Variants in TUT4 observed in about 807,000 individuals in gnomAD.
The protein encoded by TUT4 is terminal uridylyltransferase 4.
In TUT4, 36 loss-of-function variants were observed where a neutral mutation model predicts 192.2. That is an observed-to-expected ratio of 0.19 (90% CI 0.14 to 0.25). The LOEUF (loss-of-function observed/expected upper bound fraction) is 0.25. TUT4 is among the 10% of genes least tolerant of loss of function. The probability of loss-of-function intolerance (pLI) is 1.00; values close to 1 mark genes in which losing one functional copy is unlikely to be tolerated. For missense variants in TUT4, 1,493 were observed against 1,957.2 expected, an observed-to-expected ratio of 0.76 and a Z score of 4.47; for synonymous variants, 618 against 666.0, an observed-to-expected ratio of 0.93 and a Z score of 1.11.
intron 4 of TUT4, among the ~76,000 whole-genome samples, chr1:52,498,933 TA>T (rs1673302329): frequency 1.0e-5 from 1 of 98,798 alleles, no homozygotes; most frequent in Non-Finnish European, 1.9e-5. Context: ...TATATATATA[TA>T]TATATATATA....
At chr1:52,481,382 T>G in intron 11 of TUT4, 41 bp downstream of exon 11, 1 of 1,590,324 alleles carries the variant, frequency 6.3e-7, no homozygotes. Flanking sequence ...TCACAAATTC[T>G]ACAGATAGAA....
intron 1 of TUT4, among the ~76,000 whole-genome samples, chr1:52,550,555 T>C (rs1282321608): frequency 6.8e-6 from 1 of 146,382 alleles, no homozygotes; most frequent in Non-Finnish European, 1.5e-5. Flanking sequence ...CAGGCTGGAG[T>C]ACAGTGGCGC....
At chr1:52,505,381 G>C (rs1675246267) in intron 4 of TUT4, among the ~76,000 whole-genome samples, 1 of 138,736 alleles carries the variant, frequency 7.2e-6, no homozygotes, top group Non-Finnish European at 1.5e-5. Context: ...TCTTTATCAT[G>C]TTATAGAAGT....
chr1:52,489,492 C>T (rs1670618359), intron 8 of TUT4, among the ~76,000 whole-genome samples: 3 of 152,254 alleles, frequency 2.0e-5, no homozygotes, highest in Non-Finnish European at 4.4e-5. Context: ...TCTAATTTTT[C>T]CTATCCAAGC....
At chr1:52,459,350 A>C (rs898415243) in intron 19 of TUT4, among the ~76,000 whole-genome samples, 1 of 152,020 alleles carries the variant, frequency 6.6e-6, no homozygotes, top group Non-Finnish European at 1.5e-5. Context: ...GCACTTCGAA[A>C]GGCTGAGGAG....
At chr1:52,449,667 C>T (rs1658772589) in intron 20 of TUT4, among the ~76,000 whole-genome samples, 1 of 152,150 alleles carries the variant, frequency 6.6e-6, no homozygotes, top group Non-Finnish European at 1.5e-5. Context: ...AGCATACAGT[C>T]CTGCGGCCTA....
chr1:52,471,450 T>C (rs190763016), intron 14 of TUT4, among the ~76,000 whole-genome samples: 146 of 152,354 alleles, frequency 9.6e-4, no homozygotes, highest in African/African-American at 3.4e-3. Flanking sequence ...TGTTTACCAC[T>C]ACTATAGCAT....
rs772258876 is a variant in TUT4, at chr1:52,465,050, C to T, written c.3069+20G>A. The T allele has an allele frequency of 6.4e-6, 10 of 1,558,672 alleles. No homozygotes were observed. Among genetic ancestry groups the T allele is most frequent in the Admixed American group, 4.0e-5 (2 of 50,566 alleles). ...ATTGGGAGAAAATAAACTTACATAA[C>T]GCTTTCCAAACACTCTTACCTCTGC... On this transcript the variant is annotated intron_variant, in intron 16 of 29. Transcript: ENST00000257177.
intron 29 of TUT4, chr1:52,424,219 A>C (rs17107217): frequency 0.098 from 51,114 of 522,604 alleles, 6,812 homozygotes; most frequent in African/African-American, 0.47. Flanking sequence ...GATGGAGAGG[A>C]GGAATCAAAG....
chr1:52,522,987 C>CTTTTTTT (rs748149518), intron 2 of TUT4, among the ~76,000 whole-genome samples: 12 of 89,582 alleles, frequency 1.3e-4, no homozygotes, highest in East Asian at 3.9e-4. Context: ...CCTTAACTAT[C>CTTTTTTT]TTTTTTTTTT....
chr1:52,482,553 C>T (rs949844323), intron 9 of TUT4, among the ~76,000 whole-genome samples: 2 of 152,144 alleles, frequency 1.3e-5, no homozygotes, highest in Non-Finnish European at 2.9e-5. Context: ...GATCCTTCCA[C>T]ATAGCTGGGA....
At chr1:52,425,310 C>G (rs781074028) in intron 29 of TUT4, 39 bp downstream of exon 29, 1 of 1,588,096 alleles carries the variant, frequency 6.3e-7, no homozygotes, top group Admixed American at 1.8e-5. Context: ...CAGAATAAAA[C>G]CCACCCAAGC....
chr1:52,486,693 G>A (rs1669873332), intron 9 of TUT4, among the ~76,000 whole-genome samples: 1 of 152,090 alleles, frequency 6.6e-6, no homozygotes. Flanking sequence ...ATGTTATTCT[G>A]TTGGAAACAG....
chr1:52,445,924 T>TA (rs957139079), intron 23 of TUT4, 33 bp downstream of exon 23: 2 of 1,603,088 alleles, frequency 1.2e-6, no homozygotes, highest in African/African-American at 2.7e-5. Flanking sequence ...GTCAGAGTTT[T>TA]AAAATCAGAG....
intron 28 of TUT4, among the ~76,000 whole-genome samples, chr1:52,425,850 T>G (rs1649715311): frequency 6.7e-6 from 1 of 148,862 alleles, no homozygotes. Context: ...CAAGGAAAAA[T>G]TTAGGCAAAA....
intron 9 of TUT4, 82 bp downstream of exon 9, chr1:52,488,827 T>A: frequency 1.4e-6 from 2 of 1,401,790 alleles, no homozygotes; most frequent in South Asian, 3.2e-5. Context: ...TACATGTCAG[T>A]ACAAGAAAAG....
chr1:52,458,091 T>C (rs1661481646), intron 20 of TUT4, among the ~76,000 whole-genome samples: 1 of 152,192 alleles, frequency 6.6e-6, no homozygotes, highest in African/African-American at 2.4e-5. Context: ...GACTGTAAAA[T>C]TTAAAAACAT....
At chr1:52,460,975 C>T (rs1662393416) in intron 19 of TUT4, 159 bp downstream of exon 19, 2 of 470,260 alleles carry the variant, frequency 4.3e-6, no homozygotes, top group Non-Finnish European at 7.3e-6. Context: ...AGCCACCCTA[C>T]TCTGATAGGT....
chr1:52,426,304 A>T (rs1649901441), intron 28 of TUT4, among the ~76,000 whole-genome samples: 1 of 152,210 alleles, frequency 6.6e-6, no homozygotes, highest in African/African-American at 2.4e-5. Context: ...AAGAGCTAGC[A>T]TATAGGTAGG....
Sources: allele counts gnomAD v4.1 joint callset (sites outside exome capture counted in the v4.1 genomes callset), GRCh38; gene constraint gnomAD v4.1.1; transcripts MANE v1.5; gene names NCBI Gene and HGNC (gene_info 2026-07-23, HGNC 2026-07-21).